ARHGAP17: variants seen among roughly 807,000 people sequenced by gnomAD.
ARHGAP17 encodes the protein Rho GTPase activating protein 17, also known as rho GTPase-activating protein 17.
A neutral mutation model predicts 99.5 loss-of-function variants in ARHGAP17; 57 were observed. That is an observed-to-expected ratio of 0.57 (90% CI 0.46 to 0.71). The LOEUF is 0.71. Ranked by LOEUF, ARHGAP17 falls within the 30% of genes least tolerant of loss-of-function variation. The probability of loss-of-function intolerance (pLI) is 0.00; values close to 1 mark genes in which losing one functional copy is unlikely to be tolerated. For missense variants in ARHGAP17, 1,000 were observed against 1,122.4 expected (o/e 0.89, Z 1.56); for synonymous variants, 417 against 429.6 (o/e 0.97, Z 0.36).
intron 19 of ARHGAP17, among the ~76,000 whole-genome samples, chr16:24,923,689 G>A (rs1234389413): frequency 7.0e-6 from 1 of 143,768 alleles, no homozygotes; most frequent in Non-Finnish European, 1.5e-5. Flanking sequence ...CTGCACTCTA[G>A]CCTGGGCAAC....
intron 19 of ARHGAP17, among the ~76,000 whole-genome samples, chr16:24,929,036 G>A (rs1263775164): frequency 2.0e-5 from 3 of 152,110 alleles, no homozygotes; most frequent in Non-Finnish European, 4.4e-5. Context: ...TTCCTCCCGT[G>A]CTGACTGCAC....
rs537610236 is a variant in ARHGAP17, at chr16:24,975,322, C to A, written c.198+1893G>T. ...TTGGTTGAAAATGGCTTAGAAGTCA[C>A]TGGCATAAACACATCAGTTAGAAGC... On this transcript the variant is annotated intron_variant, in intron 3 of 19. Transcript: ENST00000289968. 2.2e-3 allele frequency among the ~76,000 whole-genome samples: 335 copies of A among 152,310 alleles called. 1 individual carries two copies. The highest frequency in any genetic ancestry group is 7.7e-3 in the African/African-American group (322 of 41,560).
intron 18 of ARHGAP17, among the ~76,000 whole-genome samples, chr16:24,933,302 C>A (rs146208035): frequency 7.9e-5 from 12 of 152,002 alleles, no homozygotes; most frequent in African/African-American, 2.9e-4. Flanking sequence ...CTGGGCAACA[C>A]AGTGAGACCC....
chr16:24,982,996 A>ATATTTTTT lies in ARHGAP17; in HGVS notation c.54-3992_54-3991insAAAAAATA, dbSNP rs1315859010. On this transcript the variant is annotated intron_variant, in intron 1 of 19. Coordinates refer to ENST00000289968, the MANE Select transcript of ARHGAP17 (RefSeq NM_001006634.3). Reference sequence around the variant, plus strand: ...TATATATATATATATATATATATATATTTTTTTTTTTTTTTTTTTTTTTTT... The same window carrying ATATTTTTT: ...TATATATATATATATATATATATATATATTTTTTTTTTTTTTTTTTTTTTTTTTTTTTT... Among the ~76,000 whole-genome samples, 3 of 46,976 alleles carry ATATTTTTT rather than the reference A, an allele frequency of 6.4e-5. 1 individual carries two copies. The highest frequency in any genetic ancestry group is 2.6e-4 in the African/African-American group (3 of 11,458). The allele number at this position is 46,976 out of a possible 152,430, so 30.8% of individuals were successfully genotyped here. A position where few individuals can be genotyped will look rare whatever the true frequency, so the allele number is the denominator to read the frequency against.
At chr16:24,984,302 T>G (rs747360667) in intron 1 of ARHGAP17, among the ~76,000 whole-genome samples, 2 of 152,084 alleles carry the variant, frequency 1.3e-5, no homozygotes, top group Non-Finnish European at 2.9e-5. Context: ...GCAGGTTCCA[T>G]GAGGGCAGAG....
At chr16:24,987,865 G>A (rs865945754) in intron 1 of ARHGAP17, among the ~76,000 whole-genome samples, 22 of 152,316 alleles carry the variant, frequency 1.4e-4, no homozygotes, top group Middle Eastern at 6.8e-3. Context: ...AATATCTGAC[G>A]CATTTTTGAG....
At position 24,931,254 on chromosome 16, in the gene ARHGAP17, G is replaced by A. The variant is rs983834240; in HGVS notation, c.2045C>T (p.Thr682Met). The A allele has an allele frequency of 1.8e-5, 28 of 1,537,142 alleles. No homozygotes were observed. Among genetic ancestry groups the A allele is most frequent in the African/African-American group, 2.8e-5 (2 of 72,278 alleles). The change falls in exon 19 of 20, where the codon ACG becomes ATG. Residue 682 changes from threonine (T) to methionine (M), a missense_variant. Thr to Met is a moderately conservative substitution (Grantham distance 81). This residue lies in a region of ARHGAP17 where 528 missense variants were observed against 511.4 expected (regional missense o/e 1.03). Transcript: ENST00000289968. ...GGAGGGCTGGCCTGGAGGCTGGCCC[G>A]TGTGCTGGGTGGGAGGAGAGGGGCT... ...TRSPSPPTQH[T>M]GQPPGQPSAP...
At chr16:24,928,590 G>A (rs2050901140) in intron 19 of ARHGAP17, among the ~76,000 whole-genome samples, 2 of 152,052 alleles carry the variant, frequency 1.3e-5, no homozygotes, top group African/African-American at 2.4e-5. Context: ...TTGTGGAATC[G>A]CACCCGGGCC....
chr16:24,989,626 T>C (rs1158468479), intron 1 of ARHGAP17, among the ~76,000 whole-genome samples: 3 of 152,134 alleles, frequency 2.0e-5, no homozygotes, highest in East Asian at 1.9e-4. Flanking sequence ...TAAAGAAGTA[T>C]GAAGGCTCTC....
intron 14 of ARHGAP17, among the ~76,000 whole-genome samples, chr16:24,944,741 C>G (rs1755924948): frequency 6.6e-6 from 1 of 152,094 alleles, no homozygotes; most frequent in Admixed American, 6.5e-5. Flanking sequence ...CTCAGCCTCC[C>G]GAGTAGCTGG....
chr16:24,955,011 CACTT>C lies in ARHGAP17; in HGVS notation c.725-285_725-282del. ...GCAGTGGCACGCTGCACCTGCACCA[CACTT>C]CATCAACACACGCCAGCGGGTTTAG... On this transcript the variant is annotated intron_variant, in intron 9 of 19. Transcript: ENST00000289968. This position sits in a 1 kb window ranked among gnomAD's most constrained non-coding sequence, Gnocchi z 4.0. 1.3e-5 allele frequency: 5 copies of C among 384,232 alleles called. No homozygotes were observed. The highest frequency in any genetic ancestry group is 8.5e-5 in the South Asian group (2 of 23,526). The allele number at this position is 384,232 out of a possible 1,614,324, so 23.8% of individuals were successfully genotyped here. A position where few individuals can be genotyped will look rare whatever the true frequency, so the allele number is the denominator to read the frequency against.
intron 14 of ARHGAP17, among the ~76,000 whole-genome samples, chr16:24,945,740 C>T (rs1380245342): frequency 6.6e-6 from 1 of 152,206 alleles, no homozygotes; most frequent in Non-Finnish European, 1.5e-5. Context: ...TCTGATCAGT[C>T]TGTGTGCCTT....
rs142585854 is a variant in ARHGAP17, at chr16:24,935,973, C to G, written c.1725-334G>C. The G allele has an allele frequency of 2.6e-5, 9 of 343,408 alleles. 1 individual carries two copies. Among genetic ancestry groups the G allele is most frequent in the Admixed American group, 8.6e-5 (2 of 23,254 alleles). The allele number at this position is 343,408 out of a possible 1,614,324, so 21.3% of individuals were successfully genotyped here. Reference sequence around the variant, plus strand: ...ATAGGACTATTTATTTTATGAGATTCGTTGCATCAGACTGGACTCCAACGA... The same window carrying G: ...ATAGGACTATTTATTTTATGAGATTGGTTGCATCAGACTGGACTCCAACGA... On this transcript the variant is annotated intron_variant, in intron 17 of 19. Transcript: ENST00000289968.
intron 19 of ARHGAP17, chr16:24,927,752 G>A (rs1402543472): frequency 7.5e-6 from 8 of 1,072,550 alleles, no homozygotes; most frequent in Non-Finnish European, 8.5e-6. Flanking sequence ...TTAATAAAAT[G>A]TTTAAATTAG....
At chr16:24,986,248 T>C (rs2052866877) in intron 1 of ARHGAP17, among the ~76,000 whole-genome samples, 1 of 152,194 alleles carries the variant, frequency 6.6e-6, no homozygotes, top group African/African-American at 2.4e-5. Context: ...GGAACCACTA[T>C]TTCCCCCATT....
chr16:24,995,489 C>T (rs936891281), intron 1 of ARHGAP17, among the ~76,000 whole-genome samples: 1 of 152,168 alleles, frequency 6.6e-6, no homozygotes, highest in Admixed American at 6.5e-5. Flanking sequence ...GGTGACATGG[C>T]TGGGGGAGAA....
chr16:24,980,137 A>G (rs897249943), intron 1 of ARHGAP17, among the ~76,000 whole-genome samples: 6 of 152,236 alleles, frequency 3.9e-5, no homozygotes, highest in African/African-American at 2.4e-5. Flanking sequence ...CCGGGAACCA[A>G]TGCAAGAGCA....
intron 3 of ARHGAP17, among the ~76,000 whole-genome samples, chr16:24,973,681 C>T (rs1415954359): frequency 6.6e-6 from 1 of 152,212 alleles, no homozygotes; most frequent in Non-Finnish European, 1.5e-5. Flanking sequence ...TTCTGGGCCC[C>T]CCATAAAACC....
chr16:24,935,929 A>G, intron 17 of ARHGAP17: 2 of 428,036 alleles, frequency 4.7e-6, no homozygotes, highest in South Asian at 4.2e-5. Context: ...CTGCCTCAGC[A>G]CCCTGAGTAG....
Sources: gnomAD v4.1 joint callset for allele counts (sites outside exome capture counted in the v4.1 genomes callset) on GRCh38, gnomAD v4.1.1 for gene constraint, gnomAD v4.1.1 regional missense constraint, Gnocchi (gnomAD v3.1) non-coding constraint, MANE v1.5 for transcripts, NCBI Gene and HGNC (gene_info 2026-07-23, HGNC 2026-07-21) for gene names.